PTPRZ1: variants seen among roughly 807,000 people sequenced by gnomAD.
PTPRZ1 encodes the protein receptor-type tyrosine-protein phosphatase zeta.
PTPRZ1 carries 82 observed loss-of-function variants against 214.1 expected under a neutral mutation model. That is an observed-to-expected ratio of 0.38 (90% confidence interval 0.32 to 0.46). The LOEUF (loss-of-function observed/expected upper bound fraction) is 0.46. Ranked by LOEUF, PTPRZ1 falls within the 20% of genes least tolerant of loss-of-function variation. The pLI is 1.00. For missense variants in PTPRZ1, 2,603 were observed against 2,748.7 expected (o/e 0.95, Z 1.19); for synonymous variants, 945 against 987.9 (o/e 0.96, Z 0.81).
intron 22 of PTPRZ1, among the ~76,000 whole-genome samples, chr7:122,043,271 C>A (rs1289974613): frequency 6.6e-6 from 1 of 151,922 alleles, no homozygotes; most frequent in East Asian, 1.9e-4. Context: ...GTTTTGTGAC[C>A]CCAAATAGGG....
In PTPRZ1 at chr7:122,012,937, T is replaced by G. The variant is rs748982896; in HGVS notation, c.3891T>G (p.Asn1297Lys). 2 of 1,614,120 alleles carry G rather than the reference T, an allele frequency of 1.2e-6. No individual in the cohort carries two copies. The highest frequency in any genetic ancestry group is 1.7e-6 in the Non-Finnish European group (2 of 1,179,984). The change falls in exon 12 of 30, where the codon AAT (asparagine) becomes AAG (lysine). Residue 1297 changes from asparagine to lysine, a missense_variant. Coordinates refer to ENST00000393386, the MANE Select transcript of PTPRZ1 (RefSeq NM_002851.3). ...YSNDELFQTANLEINQAHPPK... is the reference protein window; with the variant it reads ...YSNDELFQTAKLEINQAHPPK... The stretch of plus-strand genomic sequence containing the variant: ...ATGATGAGTTGTTCCAAACGGCCAA[T>G]TTGGAGATTAACCAGGCCCATCCCC...
At chr7:121,935,500 TGTTC>T (rs1031147652) in intron 2 of PTPRZ1, among the ~76,000 whole-genome samples, 15 of 151,824 alleles carry the variant, frequency 9.9e-5, no homozygotes, top group South Asian at 4.2e-4. Context: ...GGTTTTTGTT[TGTTC>T]GTTTGTTCGT....
At chr7:121,960,863 C>A (rs2116487359) in intron 2 of PTPRZ1, among the ~76,000 whole-genome samples, 1 of 152,000 alleles carries the variant, frequency 6.6e-6, no homozygotes, top group Non-Finnish European at 1.5e-5. Flanking sequence ...AGGTATGTTT[C>A]TATCTGGAAC....
intron 27 of PTPRZ1, among the ~76,000 whole-genome samples, chr7:122,055,329 C>T (rs1173138679): frequency 6.6e-6 from 1 of 151,910 alleles, no homozygotes; most frequent in Admixed American, 6.6e-5. Flanking sequence ...AGCTCATTTA[C>T]TCCAGATTAG....
intron 3 of PTPRZ1, among the ~76,000 whole-genome samples, chr7:121,970,283 G>A (rs894141122): frequency 2.6e-5 from 4 of 152,088 alleles, no homozygotes; most frequent in Non-Finnish European, 4.4e-5. Flanking sequence ...TGTTTTTATA[G>A]CAGCATGATT....
intron 12 of PTPRZ1, among the ~76,000 whole-genome samples, chr7:122,014,632 G>T (rs929935222): frequency 1.3e-5 from 2 of 152,020 alleles, no homozygotes; most frequent in African/African-American, 4.8e-5. Flanking sequence ...TAAAGACGGG[G>T]TTTCACCATG....
At chr7:122,037,001 G>T (rs1045212907) in intron 18 of PTPRZ1, among the ~76,000 whole-genome samples, 1 of 148,414 alleles carries the variant, frequency 6.7e-6, no homozygotes, top group East Asian at 2.1e-4. Flanking sequence ...GGCTGGGCGC[G>T]GTGGCTCACG....
rs73440928 is a variant in PTPRZ1, at chr7:121,984,320, A to G, written c.928+203A>G. ...GCAACTAAAAAAATCTATTCTTCCC[A>G]TAAGAATAACCCCATTTTACAGATG... On this transcript the variant is annotated intron_variant, in intron 8 of 29. Transcript: ENST00000393386. Among the ~76,000 whole-genome samples the G allele has an allele frequency of 3.7e-3, 559 of 152,324 alleles. 2 individuals are homozygous for G. The highest frequency in any genetic ancestry group is 0.013 in the African/African-American group (529 of 41,578).
intron 23 of PTPRZ1, among the ~76,000 whole-genome samples, chr7:122,048,550 T>G (rs1294917671): frequency 6.6e-6 from 1 of 152,146 alleles, no homozygotes; most frequent in Non-Finnish European, 1.5e-5. Context: ...GATGCCCCAT[T>G]TACCCTCCTG....
At chr7:121,950,197 A>C (rs983043625) in intron 2 of PTPRZ1, among the ~76,000 whole-genome samples, 2 of 152,200 alleles carry the variant, frequency 1.3e-5, no homozygotes, top group African/African-American at 2.4e-5. Flanking sequence ...ATCAGGTCTC[A>C]TGAGACTTAT....
chr7:121,919,227 G>T (rs1210373874), intron 1 of PTPRZ1, among the ~76,000 whole-genome samples: 1 of 151,960 alleles, frequency 6.6e-6, no homozygotes, highest in Non-Finnish European at 1.5e-5. Flanking sequence ...TTGACAACTG[G>T]TTAGCTGGAA....
chr7:122,039,979 C>CA (rs915490849), intron 20 of PTPRZ1, among the ~76,000 whole-genome samples: 96 of 129,068 alleles, frequency 7.4e-4, no homozygotes, highest in South Asian at 2.2e-3. Context: ...GAGACTCTGT[C>CA]AAAAAAAAAA....
At chr7:121,954,910 A>G (rs192957322) in intron 2 of PTPRZ1, among the ~76,000 whole-genome samples, 18 of 152,372 alleles carry the variant, frequency 1.2e-4, no homozygotes, top group Non-Finnish European at 1.9e-4. Flanking sequence ...TGTGACCAGT[A>G]ACAATGCACC....
At chr7:121,972,823 T>C (rs1248267782) in intron 4 of PTPRZ1, 131 bp downstream of exon 4, 5 of 742,460 alleles carry the variant, frequency 6.7e-6, no homozygotes, top group East Asian at 6.4e-5. Flanking sequence ...ACTTGATTAA[T>C]ATACTAGACT....
chr7:122,022,786 C>G (rs1037575726), intron 13 of PTPRZ1, among the ~76,000 whole-genome samples: 1 of 152,040 alleles, frequency 6.6e-6, no homozygotes, highest in Non-Finnish European at 1.5e-5. Context: ...AAGAATTTAA[C>G]AAAATTAAAG....
Position 121,945,096 on chromosome 7 carries a change from A to T in PTPRZ1, c.124+16875A>T, listed in dbSNP as rs532972608. On this transcript the variant is annotated intron_variant, in intron 2 of 29. Transcript: ENST00000393386. The stretch of plus-strand genomic sequence containing the variant: ...GGATTTATTTGAAAATCTCATAATG[A>T]ATGGTAGAGCCTGCATTTGTTGTGT... Among the ~76,000 whole-genome samples, 3 of 152,302 alleles carry T rather than the reference A, an allele frequency of 2.0e-5. No individual in the cohort carries two copies. In the South Asian group the frequency reaches 6.2e-4, roughly 32 times the overall value.
chr7:121,947,782 A>G (rs1796429877), intron 2 of PTPRZ1, among the ~76,000 whole-genome samples: 1 of 152,096 alleles, frequency 6.6e-6, no homozygotes, highest in Non-Finnish European at 1.5e-5. Context: ...CCAAATCCAG[A>G]CTAAATTAAA....
chr7:121,991,523 G>GA (rs1477945717), intron 8 of PTPRZ1, among the ~76,000 whole-genome samples: 3 of 152,090 alleles, frequency 2.0e-5, no homozygotes, highest in Non-Finnish European at 2.9e-5. Flanking sequence ...ACAATTTCCT[G>GA]AAAAAACGTC....
chr7:121,981,629 A>C (rs1668659256), intron 6 of PTPRZ1, among the ~76,000 whole-genome samples: 1 of 152,256 alleles, frequency 6.6e-6, no homozygotes, highest in Non-Finnish European at 1.5e-5. Context: ...TACAAATGAG[A>C]CTATTCAAGG....
Sources: allele counts gnomAD v4.1 joint callset (sites outside exome capture counted in the v4.1 genomes callset), GRCh38; gene constraint gnomAD v4.1.1; transcripts MANE v1.5; gene names NCBI Gene and HGNC (gene_info 2026-07-23, HGNC 2026-07-21).